CNTNAP2: variants seen among roughly 807,000 people sequenced by gnomAD.
The protein encoded by CNTNAP2 is contactin associated protein 2.
Under a neutral mutation model 155.2 loss-of-function variants are expected in CNTNAP2, and 98 were observed. That is an observed-to-expected ratio of 0.63 (90% confidence interval 0.54 to 0.75). CNTNAP2 has a LOEUF of 0.75. CNTNAP2 is among the 30% of genes least tolerant of loss of function. The pLI, the probability that CNTNAP2 is intolerant of heterozygous loss-of-function variation, is 0.00. For missense variants in CNTNAP2, 1,727 were observed against 1,688.1 expected (o/e 1.02, Z -0.40); for synonymous variants, 651 against 631.2 (o/e 1.03, Z -0.47).
intron 18 of CNTNAP2, among the ~76,000 whole-genome samples, chr7:148,200,061 A>T (rs1562992494): frequency 6.6e-6 from 1 of 152,164 alleles, no homozygotes; most frequent in Non-Finnish European, 1.5e-5. Context: ...TGCTCAATGG[A>T]TTGGGTGATG....
At chr7:147,138,228 T>C (rs1801527636) in intron 8 of CNTNAP2, among the ~76,000 whole-genome samples, 1 of 151,900 alleles carries the variant, frequency 6.6e-6, no homozygotes, top group Non-Finnish European at 1.5e-5. Context: ...TTCTGATTCA[T>C]AGAGCACTGT....
At chr7:147,548,042 A>G (rs995635571) in intron 11 of CNTNAP2, among the ~76,000 whole-genome samples, 15 of 152,030 alleles carry the variant, frequency 9.9e-5, no homozygotes, top group African/African-American at 3.4e-4. Flanking sequence ...TGTCTTTGCT[A>G]TTGTAAATAG....
At chr7:147,818,137 G>C (rs1431640751) in intron 13 of CNTNAP2, among the ~76,000 whole-genome samples, 1 of 151,788 alleles carries the variant, frequency 6.6e-6, no homozygotes, top group Non-Finnish European at 1.5e-5. Flanking sequence ...TAATATTATT[G>C]TGTGGTTGCT....
intron 7 of CNTNAP2, among the ~76,000 whole-genome samples, chr7:147,130,843 A>G (rs1439188618): frequency 1.3e-5 from 2 of 152,074 alleles, no homozygotes; most frequent in African/African-American, 4.8e-5. Context: ...CAAAAGAGGT[A>G]TGTGGTCAGT....
intron 8 of CNTNAP2, among the ~76,000 whole-genome samples, chr7:147,276,498 C>A (rs1363796101): frequency 6.6e-6 from 1 of 151,998 alleles, no homozygotes; most frequent in East Asian, 1.9e-4. Flanking sequence ...CTTGAAGTAA[C>A]CATTGTCTCA....
intron 11 of CNTNAP2, among the ~76,000 whole-genome samples, chr7:147,559,954 A>G (rs1479732169): frequency 6.6e-6 from 1 of 151,558 alleles, no homozygotes; most frequent in Non-Finnish European, 1.5e-5. Flanking sequence ...AGATCACCTG[A>G]GGTCGGGAAT....
intron 1 of CNTNAP2, among the ~76,000 whole-genome samples, chr7:146,414,402 C>T (rs1291720811): frequency 6.6e-6 from 1 of 151,646 alleles, no homozygotes; most frequent in Non-Finnish European, 1.5e-5. Flanking sequence ...CATGAGTATC[C>T]AGAGCTTGTA....
intron 1 of CNTNAP2, among the ~76,000 whole-genome samples, chr7:146,629,092 G>A (rs1799467563): frequency 6.6e-6 from 1 of 152,042 alleles, no homozygotes; most frequent in Non-Finnish European, 1.5e-5. Context: ...AATGTTATCT[G>A]CTTCCATACT....
At chr7:147,462,492 A>T (rs1798042057) in intron 10 of CNTNAP2, among the ~76,000 whole-genome samples, 2 of 152,208 alleles carry the variant, frequency 1.3e-5, no homozygotes, top group African/African-American at 4.8e-5. Flanking sequence ...TATACAGTCA[A>T]TTTCATGTTT....
chr7:148,317,182 T>G (rs1447903390), intron 21 of CNTNAP2, among the ~76,000 whole-genome samples: 3 of 152,080 alleles, frequency 2.0e-5, no homozygotes, highest in African/African-American at 7.2e-5. Context: ...ATGGTGAAAC[T>G]CTGTCTCTAC....
At chr7:147,520,117 G>A (rs1225371063) in intron 11 of CNTNAP2, among the ~76,000 whole-genome samples, 1 of 151,878 alleles carries the variant, frequency 6.6e-6, no homozygotes, top group Non-Finnish European at 1.5e-5. Flanking sequence ...GTTGTATTTT[G>A]GGCAAAATAT....
chr7:147,282,855 C>A (rs1161566732), intron 8 of CNTNAP2, among the ~76,000 whole-genome samples: 1 of 151,798 alleles, frequency 6.6e-6, no homozygotes, highest in Non-Finnish European at 1.5e-5. Flanking sequence ...TTTGGCCTCC[C>A]AAAATGCTGG....
intron 1 of CNTNAP2, among the ~76,000 whole-genome samples, chr7:146,735,185 A>G (rs958583449): frequency 1.3e-5 from 2 of 152,202 alleles, no homozygotes; most frequent in South Asian, 4.1e-4. Context: ...CCATTCAGTG[A>G]TAAATATAAA....
chr7:146,588,536 T>G (rs2129149035), intron 1 of CNTNAP2, among the ~76,000 whole-genome samples: 1 of 151,126 alleles, frequency 6.6e-6, no homozygotes, highest in East Asian at 1.9e-4. Flanking sequence ...TTTTTTAAAT[T>G]TACTCTGTCA....
chr7:146,688,226 GTAT>G (rs1800636651), intron 1 of CNTNAP2, among the ~76,000 whole-genome samples: 1 of 152,118 alleles, frequency 6.6e-6, no homozygotes, highest in Admixed American at 6.6e-5. Context: ...CTATTTAATA[GTAT>G]TAATCAGAGT....
At chr7:146,181,477 A>G (rs1265739266) in intron 1 of CNTNAP2, among the ~76,000 whole-genome samples, 1 of 152,170 alleles carries the variant, frequency 6.6e-6, no homozygotes, top group Non-Finnish European at 1.5e-5. Flanking sequence ...TGCAAATCTT[A>G]AGTGTCTAAA....
At chr7:146,570,149 T>C (rs1348747759) in intron 1 of CNTNAP2, among the ~76,000 whole-genome samples, 1 of 152,130 alleles carries the variant, frequency 6.6e-6, no homozygotes, top group Non-Finnish European at 1.5e-5. Flanking sequence ...ACCTTATTAC[T>C]ACAGAAAAAA....
intron 1 of CNTNAP2, among the ~76,000 whole-genome samples, chr7:146,721,914 A>C: frequency 9.6e-6 from 1 of 104,394 alleles, no homozygotes; most frequent in African/African-American, 7.5e-5. Context: ...TTTGAGATGG[A>C]ACCTGGCTCT....
At chr7:146,563,124 A>G (rs1427162213) in intron 1 of CNTNAP2, among the ~76,000 whole-genome samples, 1 of 152,164 alleles carries the variant, frequency 6.6e-6, no homozygotes, top group Non-Finnish European at 1.5e-5. Flanking sequence ...GAACTGATTA[A>G]CTTTGCAGTT....
Sources: allele counts gnomAD v4.1 joint callset (sites outside exome capture counted in the v4.1 genomes callset), GRCh38; gene constraint gnomAD v4.1.1; transcripts MANE v1.5; gene names NCBI Gene and HGNC (gene_info 2026-07-23, HGNC 2026-07-21).